Variants in CELF1 observed in about 807,000 individuals in gnomAD.
CELF1 encodes the protein CUGBP Elav-like family member 1, also known as 50 kDa nuclear polyadenylated RNA-binding protein.
CELF1 carries 10 observed loss-of-function variants against 61.8 expected under a neutral mutation model. That is an observed-to-expected ratio of 0.16 (90% CI 0.10 to 0.27). The LOEUF (loss-of-function observed/expected upper bound fraction) is 0.27. CELF1 is among the 10% of genes least tolerant of loss of function. The pLI is 1.00. For synonymous variants in CELF1, 236 were observed against 225.1 expected (o/e 1.05, Z -0.43); for missense variants, 380 against 639.1 (o/e 0.59, Z 4.37).
Position 47,541,686 on chromosome 11 carries a change from C to CTCAAAAAAA in CELF1, c.-154+11305_-154+11306insTTTTTTTGA, listed in dbSNP as rs71042680. On this transcript the variant is annotated intron_variant, in intron 1 of 14. Coordinates refer to ENST00000687097, the MANE Select transcript of CELF1 (RefSeq NM_001376376.1). ...GAGCCTGGTGACAGGGCGAGACTGT[C>CTCAAAAAAA]AAAGAAAGAAAGAAAGAAAGAAAGA... Among the ~76,000 whole-genome samples, 2 of 11,648 alleles carry CTCAAAAAAA rather than the reference C, an allele frequency of 1.7e-4. 1 individual carries two copies. Among genetic ancestry groups the CTCAAAAAAA allele is most frequent in the African/African-American group, 2.6e-4 (2 of 7,722 alleles). The allele number at this position is 11,648 out of a possible 152,430, so 7.6% of individuals were successfully genotyped here. A position where few individuals can be genotyped will look rare whatever the true frequency, so the allele number is the denominator to read the frequency against.
At chr11:47,548,709 T>C (rs945514531) in intron 1 of CELF1, among the ~76,000 whole-genome samples, 1 of 151,444 alleles carries the variant, frequency 6.6e-6, no homozygotes, top group Non-Finnish European at 1.5e-5. Flanking sequence ...CTACTAAAAA[T>C]ACAAAAATTA....
At chr11:47,533,278 G>C (rs1357824083) in intron 1 of CELF1, among the ~76,000 whole-genome samples, 1 of 152,162 alleles carries the variant, frequency 6.6e-6, no homozygotes, top group Non-Finnish European at 1.5e-5. Flanking sequence ...CTTGAGGTCA[G>C]GAATTCAAGA....
chr11:47,496,735 G>A (rs192658154), intron 3 of CELF1, among the ~76,000 whole-genome samples: 1 of 152,192 alleles, frequency 6.6e-6, no homozygotes. Flanking sequence ...CATCAGAAGG[G>A]AGAAAAAGGA....
At chr11:47,526,506 G>C (rs540996552) in intron 1 of CELF1, among the ~76,000 whole-genome samples, 9 of 152,242 alleles carry the variant, frequency 5.9e-5, no homozygotes, top group African/African-American at 2.2e-4. Context: ...GCCTACTTTA[G>C]AGAAAACATA....
At chr11:47,565,526 G>C, upstream of CELF1, 2 of 1,081,664 alleles carry the variant, frequency 1.8e-6, no homozygotes, top group Non-Finnish European at 2.3e-6. Context: ...GAGAGGCCTA[G>C]TGCAGCTGGC....
Position 47,467,426 on chromosome 11 carries a change from C to G in CELF1, c.*4804G>C, listed in dbSNP as rs2076850964. ...CCAATTAAAAAAACAAATCCCTGCC[C>G]TTTCCCCCACCCCACTAGCTAAGCA... On this transcript the variant is annotated 3_prime_UTR_variant, in exon 15 of 15. Transcript: ENST00000687097. The G allele has an allele frequency of 6.6e-6, 1 of 152,290 alleles. No individual in the cohort carries two copies. The highest frequency in any genetic ancestry group is 2.1e-4 in the South Asian group (1 of 4,834). The allele number at this position is 152,290 out of a possible 1,614,324, so 9.4% of individuals were successfully genotyped here. A position where few individuals can be genotyped will look rare whatever the true frequency, so the allele number is the denominator to read the frequency against.
chr11:47,544,372 A>G (rs1224394889), intron 1 of CELF1, among the ~76,000 whole-genome samples: 3 of 152,188 alleles, frequency 2.0e-5, no homozygotes, highest in Non-Finnish European at 4.4e-5. Flanking sequence ...AAGTTACCTC[A>G]ATTAATCCTC....
intron 1 of CELF1, among the ~76,000 whole-genome samples, chr11:47,530,898 T>G (rs2096449778): frequency 6.6e-6 from 1 of 151,964 alleles, no homozygotes. Flanking sequence ...AAGGCTACAG[T>G]GAGCCACAAT....
intron 1 of CELF1, among the ~76,000 whole-genome samples, chr11:47,545,717 G>A (rs2096916612): frequency 6.6e-6 from 1 of 151,876 alleles, no homozygotes; most frequent in Non-Finnish European, 1.5e-5. Flanking sequence ...TTTTTGTAGA[G>A]ATGAGGTCTA....
At chr11:47,543,520 A>G (rs1448249746) in intron 1 of CELF1, among the ~76,000 whole-genome samples, 5 of 152,244 alleles carry the variant, frequency 3.3e-5, no homozygotes, top group African/African-American at 9.6e-5. Context: ...AAAAATAACT[A>G]TAGAATTCTA....
At position 47,559,267 on chromosome 11, in the gene CELF1, A is replaced by G. The variant is rs574494051; in HGVS notation, c.-11+5084T>C. Among the ~76,000 whole-genome samples, 4 of 150,724 alleles carry G rather than the reference A, an allele frequency of 2.7e-5. No homozygotes were observed. In the Admixed American group the frequency reaches 2.7e-4, roughly 10 times the overall value. On this transcript the variant is annotated intron_variant, in intron 2 of 3. Transcript: ENST00000525841. ...CGCAGACTACAGATGGGGTTTCACCATGTTGGCCAGGATGGTTTCCATCTC... is the reference window on the plus strand; with the variant it reads ...CGCAGACTACAGATGGGGTTTCACCGTGTTGGCCAGGATGGTTTCCATCTC...
intron 1 of CELF1, among the ~76,000 whole-genome samples, chr11:47,527,397 CA>C (rs922095210): frequency 6.6e-6 from 1 of 151,706 alleles, no homozygotes; most frequent in Non-Finnish European, 1.5e-5. Flanking sequence ...CCTCAAAAAA[CA>C]AAAAAAATTA....
At chr11:47,475,202 A>G in intron 13 of CELF1, 134 bp downstream of exon 13, 1 of 765,592 alleles carries the variant, frequency 1.3e-6, no homozygotes, top group East Asian at 2.6e-5. Context: ...TTCTCAGTCT[A>G]CACTTGACAC....
At chr11:47,555,748 C>T (rs938641417), upstream of CELF1, among the ~76,000 whole-genome samples, 2 of 152,092 alleles carry the variant, frequency 1.3e-5, no homozygotes, top group African/African-American at 4.8e-5. Flanking sequence ...TAGCTCATGC[C>T]TGTAATCCTA....
rs2081444858 is a variant in CELF1 at position 47,478,913 on chromosome 11, T to G, written c.808A>C (p.Asn270His). Reference sequence around the variant, plus strand: ...TGGAGGCTGCTCAGGGTGTTGAGGTTCCCAGAGGAGGCAGTCTGCTGAAGG... The same window carrying G: ...TGGAGGCTGCTCAGGGTGTTGAGGTGCCCAGAGGAGGCAGTCTGCTGAAGG... ...QLLQQTASSG[N>H]LNTLSSLHPM... The change falls in exon 10 of 15, where the codon AAC (asparagine) becomes CAC (histidine). Residue 270 changes from asparagine (N) to histidine (H), a missense_variant. Physicochemically the swap from Asn to His is moderately conservative, Grantham distance 68. Coordinates refer to ENST00000687097, the MANE Select transcript of CELF1 (RefSeq NM_001376376.1). 6.2e-7 allele frequency: 1 copy of G among 1,613,184 alleles called. No individual in the cohort carries two copies. The highest frequency in any genetic ancestry group is 8.5e-7 in the Non-Finnish European group (1 of 1,179,716).
intron 1 of CELF1, among the ~76,000 whole-genome samples, chr11:47,536,444 G>A (rs1357126564): frequency 6.6e-6 from 1 of 152,044 alleles, no homozygotes; most frequent in African/African-American, 2.4e-5. Context: ...CAGTAAAGAG[G>A]TTTGCAAAGC....
chr11:47,485,733 C>CA lies in CELF1; in HGVS notation c.391+1016dup, dbSNP rs2086425421. Among the ~76,000 whole-genome samples the CA allele has an allele frequency of 3.3e-5, 5 of 151,758 alleles. No individual in the cohort carries two copies. The South Asian group carries it at 1.0e-3, about 32-fold the overall frequency. ...AGTAGCTGGGATTACAGGCATGCAC[C>CA]ACCACACTCAGCTAATTTTTGTATT... On this transcript the variant is annotated intron_variant, in intron 6 of 14. Coordinates refer to ENST00000687097, the MANE Select transcript of CELF1 (RefSeq NM_001376376.1).
At chr11:47,536,177 T>C (rs1014321956) in intron 1 of CELF1, among the ~76,000 whole-genome samples, 25 of 152,076 alleles carry the variant, frequency 1.6e-4, no homozygotes, top group Non-Finnish European at 2.5e-4. Flanking sequence ...GAGACCAGCC[T>C]AGCCAACATG....
intron 1 of CELF1, chr11:47,524,379 CCT>C (rs897100015): frequency 1.3e-5 from 2 of 152,124 alleles, no homozygotes; most frequent in Admixed American, 6.6e-5. Flanking sequence ...ATCACATTTC[CCT>C]GTTTGGTACC....
Sources: allele counts gnomAD v4.1 joint callset (sites outside exome capture counted in the v4.1 genomes callset), GRCh38; gene constraint gnomAD v4.1.1; transcripts MANE v1.5; gene names NCBI Gene and HGNC (gene_info 2026-07-23, HGNC 2026-07-21).